The following SLC24A3 variants were observed in gnomAD, a reference collection of about 807,000 sequenced individuals.
The protein encoded by SLC24A3 is sodium/potassium/calcium exchanger 3.
A neutral mutation model predicts 75.8 loss-of-function variants in SLC24A3; 28 were observed. The ratio of observed to expected loss-of-function variants is 0.37; its 90% CI spans 0.27 to 0.51. SLC24A3 has a LOEUF of 0.51. Ranked by LOEUF, SLC24A3 falls within the 20% of genes least tolerant of loss-of-function variation. The probability of loss-of-function intolerance (pLI) is 0.94; values close to 1 mark genes in which losing one functional copy is unlikely to be tolerated. For synonymous variants in SLC24A3, 372 were observed against 334.1 expected (o/e 1.11, Z -1.24); for missense variants, 663 against 847.8 (o/e 0.78, Z 2.71).
intron 1 of SLC24A3, among the ~76,000 whole-genome samples, chr20:19,229,035 T>G (rs1196029518): frequency 6.6e-6 from 1 of 152,230 alleles, no homozygotes; most frequent in Non-Finnish European, 1.5e-5. Flanking sequence ...CCTTACAGTC[T>G]TCTATGAAGA....
intron 2 of SLC24A3, among the ~76,000 whole-genome samples, chr20:19,401,414 G>A (rs1986550721): frequency 6.6e-6 from 1 of 152,220 alleles, no homozygotes; most frequent in Admixed American, 6.5e-5. Flanking sequence ...CAGTCTTGGG[G>A]ATAAGAGGCA....
chr20:19,492,453 G>A (rs1988222853), intron 2 of SLC24A3, among the ~76,000 whole-genome samples: 2 of 152,294 alleles, frequency 1.3e-5, no homozygotes, highest in East Asian at 1.9e-4. Flanking sequence ...TGGCACCAGC[G>A]TTCAGCCCAC....
At chr20:19,473,755 G>A (rs907635112) in intron 2 of SLC24A3, among the ~76,000 whole-genome samples, 1 of 152,226 alleles carries the variant, frequency 6.6e-6, no homozygotes, top group African/African-American at 2.4e-5. Flanking sequence ...CTATGCAGAG[G>A]CTGATGGGCT....
At chr20:19,687,133 T>C (rs542173102) in intron 12 of SLC24A3, among the ~76,000 whole-genome samples, 1 of 152,316 alleles carries the variant, frequency 6.6e-6, no homozygotes, top group South Asian at 2.1e-4. Flanking sequence ...CAGGCCGTAA[T>C]GAAGGTGTAG....
In SLC24A3 at chr20:19,496,453, C is replaced by T. The variant is rs1009392501; in HGVS notation, c.272-19035C>T. Among the ~76,000 whole-genome samples, 5 of 152,340 alleles carry T rather than the reference C, an allele frequency of 3.3e-5. No homozygotes were observed. The East Asian group carries it at 5.8e-4, about 18-fold the overall frequency. On this transcript the variant is annotated intron_variant, in intron 2 of 16. Coordinates refer to ENST00000328041, the MANE Select transcript of SLC24A3 (RefSeq NM_020689.4). ...ATGTGGGGAACAAGTTGCTGTCCAT[C>T]GCCCACCCTCCAGCCTGCACTCCTG...
chr20:19,478,094 G>T (rs1987991889), intron 2 of SLC24A3, among the ~76,000 whole-genome samples: 1 of 152,110 alleles, frequency 6.6e-6, no homozygotes, highest in African/African-American at 2.4e-5. Context: ...TTATTTGCAG[G>T]GATTTCATTT....
rs761006484 is a variant in SLC24A3 at position 19,299,177 on chromosome 20, C to CGTGT, written c.271+18107_271+18110dup. On this transcript the variant is annotated intron_variant, in intron 2 of 16. Coordinates refer to ENST00000328041, the MANE Select transcript of SLC24A3 (RefSeq NM_020689.4). ...AGACCACATAATAGTTCTTCCCCTT[C>CGTGT]GTGTGTGTGTGTGTGTGTGTATGTG... Among the ~76,000 whole-genome samples the CGTGT allele has an allele frequency of 5.8e-3, 755 of 130,404 alleles. 6 individuals are homozygous for CGTGT. The highest frequency in any genetic ancestry group is 0.022 in the African/African-American group (699 of 31,740). The allele number at this position is 130,404 out of a possible 152,430, so 85.6% of individuals were successfully genotyped here. A position where few individuals can be genotyped will look rare whatever the true frequency, so the allele number is the denominator to read the frequency against.
intron 2 of SLC24A3, among the ~76,000 whole-genome samples, chr20:19,431,649 C>A (rs747251128): frequency 1.3e-5 from 2 of 151,924 alleles, no homozygotes; most frequent in Non-Finnish European, 2.9e-5. Flanking sequence ...GAGTCAGAAG[C>A]AGTAGCCCCA....
chr20:19,389,178 C>G (rs910564135), intron 2 of SLC24A3, among the ~76,000 whole-genome samples: 38 of 151,852 alleles, frequency 2.5e-4, no homozygotes, highest in African/African-American at 7.5e-4. Flanking sequence ...TTTATATATC[C>G]TTATTAAATT....
chr20:19,655,351 G>A (rs1026956375), intron 7 of SLC24A3, among the ~76,000 whole-genome samples: 2 of 152,126 alleles, frequency 1.3e-5, no homozygotes, highest in African/African-American at 4.8e-5. Context: ...TGTGTCATTT[G>A]TGGGGAAAAA....
chr20:19,631,789 AGAGTGT>A (rs1452927262), intron 6 of SLC24A3, among the ~76,000 whole-genome samples: 1 of 98,526 alleles, frequency 1.0e-5, no homozygotes, highest in Admixed American at 1.2e-4. Context: ...TGTATGAGTG[AGAGTGT>A]GTGTGTGTGT....
chr20:19,565,176 A>G (rs1411626649), intron 3 of SLC24A3, among the ~76,000 whole-genome samples: 1 of 152,214 alleles, frequency 6.6e-6, no homozygotes, highest in African/African-American at 2.4e-5. Context: ...CAGTAAGTCT[A>G]GGTTTAGCTT....
chr20:19,418,711 A>T (rs1986866319), intron 2 of SLC24A3, among the ~76,000 whole-genome samples: 1 of 151,486 alleles, frequency 6.6e-6, no homozygotes, highest in African/African-American at 2.4e-5. Flanking sequence ...AATAAACATC[A>T]CTCCTCTTTA....
At chr20:19,407,068 T>A (rs1282604584) in intron 2 of SLC24A3, among the ~76,000 whole-genome samples, 1 of 151,774 alleles carries the variant, frequency 6.6e-6, no homozygotes, top group Non-Finnish European at 1.5e-5. Context: ...TCTGTGAGGT[T>A]GGGATCCAGA....
chr20:19,489,727 C>G (rs990286654), intron 2 of SLC24A3, among the ~76,000 whole-genome samples: 1 of 151,934 alleles, frequency 6.6e-6, no homozygotes, highest in African/African-American at 2.4e-5. Flanking sequence ...CTGTGGGTCC[C>G]GAATTGTCTT....
chr20:19,277,475 C>T (rs1292427407), intron 1 of SLC24A3, among the ~76,000 whole-genome samples: 1 of 152,194 alleles, frequency 6.6e-6, no homozygotes, highest in African/African-American at 2.4e-5. Flanking sequence ...ACTGCCTCTT[C>T]CTAGCTCAGC....
At chr20:19,383,614 G>A (rs1224635860) in intron 2 of SLC24A3, among the ~76,000 whole-genome samples, 9 of 152,164 alleles carry the variant, frequency 5.9e-5, no homozygotes, top group Admixed American at 5.9e-4. Context: ...GCCATGGTGT[G>A]TGATTTATCT....
At chr20:19,631,684 A>G (rs1224349375) in intron 6 of SLC24A3, among the ~76,000 whole-genome samples, 1 of 152,118 alleles carries the variant, frequency 6.6e-6, no homozygotes, top group Non-Finnish European at 1.5e-5. Flanking sequence ...CAAATTTTGA[A>G]GTGTGCTTCC....
chr20:19,665,960 G>T (rs2032394497), intron 8 of SLC24A3, 71 bp downstream of exon 8: 1 of 1,515,640 alleles, frequency 6.6e-7, no homozygotes, highest in Non-Finnish European at 9.0e-7. Context: ...GAAGACCAGT[G>T]TTGGGATTCA....
Sources: gnomAD v4.1 joint callset for allele counts (sites outside exome capture counted in the v4.1 genomes callset) on GRCh38, gnomAD v4.1.1 for gene constraint, MANE v1.5 for transcripts, NCBI Gene and HGNC (gene_info 2026-07-23, HGNC 2026-07-21) for gene names.